The following PSMG4 variants were observed in gnomAD, a reference collection of about 807,000 sequenced individuals.
PSMG4 encodes the protein proteasome (prosome, macropain) assembly chaperone 4.
A neutral mutation model predicts 11.0 loss-of-function variants in PSMG4; 10 were observed. The ratio of observed to expected loss-of-function variants is 0.91; its 90% confidence interval spans 0.56 to 1.54. PSMG4 has a LOEUF of 1.54. PSMG4 is among the 40% of genes most tolerant of loss of function. PSMG4 has a pLI of 0.00. For synonymous variants in PSMG4, 95 were observed against 71.3 expected, an observed-to-expected ratio of 1.33 and a Z score of -1.68; for missense variants, 198 against 160.9, an observed-to-expected ratio of 1.23 and a Z score of -1.25.
chr6:3,255,079 T>G (rs1158680586), upstream of PSMG4: 2 of 1,551,022 alleles, frequency 1.3e-6, no homozygotes, highest in Non-Finnish European at 1.7e-6. Context: ...TATGCTTCTA[T>G]TCCTAAGAAG....
chr6:3,258,863 C>T, upstream of PSMG4: 4 of 648,744 alleles, frequency 6.2e-6, no homozygotes, highest in Non-Finnish European at 8.8e-6. Flanking sequence ...CAACCCAAGC[C>T]CGGGATCGCC....
At chr6:3,255,083 T>A (rs951553357), upstream of PSMG4, 1 of 1,551,042 alleles carries the variant, frequency 6.4e-7, no homozygotes, top group Admixed American at 2.0e-5. Context: ...CTTCTATTCC[T>A]AAGAAGTTGG....
chr6:3,259,981 C>T (rs1757915826), intron 1 of PSMG4, among the ~76,000 whole-genome samples: 2 of 152,286 alleles, frequency 1.3e-5, no homozygotes, highest in East Asian at 1.9e-4. Flanking sequence ...TCACTGTCAC[C>T]CAGGCTGGGG....
At chr6:3,255,783 A>T (rs1370149854), upstream of PSMG4, among the ~76,000 whole-genome samples, 2 of 152,228 alleles carry the variant, frequency 1.3e-5, no homozygotes, top group Non-Finnish European at 2.9e-5. Flanking sequence ...ATGTCCAGAG[A>T]GTCCCAATCT....
chr6:3,257,788 G>T (rs5003229), upstream of PSMG4, among the ~76,000 whole-genome samples: 1 of 152,000 alleles, frequency 6.6e-6, no homozygotes, highest in Non-Finnish European at 1.5e-5. Flanking sequence ...TTTGTGGATT[G>T]TGATGATGAT....
chr6:3,254,714 G>A (rs186227649), upstream of PSMG4, among the ~76,000 whole-genome samples: 3 of 152,260 alleles, frequency 2.0e-5, no homozygotes, highest in East Asian at 3.9e-4. Context: ...GATGCGCCTG[G>A]ACACCAGAAA....
upstream of PSMG4, among the ~76,000 whole-genome samples, chr6:3,257,452 G>A (rs1488801241): frequency 6.6e-6 from 1 of 152,156 alleles, no homozygotes; most frequent in African/African-American, 2.4e-5. Context: ...TCCACCGGTC[G>A]GTAACTTTGT....
At chr6:3,262,145 G>T (rs58063995) in intron 1 of PSMG4, among the ~76,000 whole-genome samples, 1 of 152,162 alleles carries the variant, frequency 6.6e-6, no homozygotes, top group Non-Finnish European at 1.5e-5. Context: ...ACCTGGGCCC[G>T]TGCCTGCTCA....
chr6:3,260,291 A>ATATATATATTTTTTTT, intron 1 of PSMG4, among the ~76,000 whole-genome samples: 15 of 70,864 alleles, frequency 2.1e-4, no homozygotes, highest in African/African-American at 8.2e-4. Flanking sequence ...ATATATATAT[A>ATATATATATTTTTTTT]TTTTTTTTTT....
chr6:3,254,710 C>T (rs770751152), upstream of PSMG4, among the ~76,000 whole-genome samples: 1 of 152,132 alleles, frequency 6.6e-6, no homozygotes, highest in Non-Finnish European at 1.5e-5. Flanking sequence ...GTGGGATGCG[C>T]CTGGACACCA....
chr6:3,254,728 C>G (rs781569961), upstream of PSMG4, among the ~76,000 whole-genome samples: 1 of 152,090 alleles, frequency 6.6e-6, no homozygotes, highest in Non-Finnish European at 1.5e-5. Context: ...CCAGAAAAAA[C>G]AAACTCCCCC....
rs549117700 is a variant in PSMG4, at chr6:3,263,980, G to T, written c.250+221G>T. The T allele has an allele frequency of 3.0e-6, 4 of 1,337,520 alleles. No homozygotes were observed. In the Admixed American group the frequency reaches 1.1e-4, roughly 38 times the overall value. The allele number at this position is 1,337,520 out of a possible 1,614,324, so 82.9% of individuals were successfully genotyped here. A position where few individuals can be genotyped will look rare whatever the true frequency, so the allele number is the denominator to read the frequency against. On this transcript the variant is annotated intron_variant, in intron 2 of 2. Transcript: ENST00000438998. ...GTCCCAGGGCTGGCCTGTTCCCAAA[G>T]GACTCCCACCTCGTCCTTGGGTGTG...
chr6:3,259,061 C>A lies in PSMG4; in HGVS notation c.39C>A (p.Ser13=). Residue 13 remains serine, a synonymous_variant, in exon 1 of 3, where the codon TCC becomes TCA. Transcript: ENST00000438998. ...TTGTCGCCGCCGGCGGGGACGTCTC[C>A]CTGCACAACTTCAGCGCGAGGCTGT... ...GLVVAAGGDV[S]LHNFSARLWE... The A allele has an allele frequency of 7.9e-7, 1 of 1,264,750 alleles. No homozygotes were observed. The highest frequency in any genetic ancestry group is 1.0e-6 in the Non-Finnish European group (1 of 1,003,356). 78.3% of individuals were successfully genotyped at this position (1,264,750 alleles called of 1,614,324 possible). A position where few individuals can be genotyped will look rare whatever the true frequency, so the allele number is the denominator to read the frequency against.
In PSMG4 at chr6:3,258,953, T is replaced by G; in HGVS notation, c.-70T>G. 8.2e-7 allele frequency: 1 copy of G among 1,217,244 alleles called. No homozygotes were observed. The highest frequency in any genetic ancestry group is 1.0e-6 in the Non-Finnish European group (1 of 972,818). The allele number at this position is 1,217,244 out of a possible 1,614,324, so 75.4% of individuals were successfully genotyped here. The stretch of plus-strand genomic sequence containing the variant: ...GCTCGGTCTCTCGGTGCTCGCTCCA[T>G]CGGGTCTGGCGGGGCTGGCAGCGGC... On this transcript the variant is annotated 5_prime_UTR_variant, in exon 1 of 3. Transcript: ENST00000438998.
intron 1 of PSMG4, 71 bp from the exon 2 acceptor site, chr6:3,263,613 C>T: frequency 1.5e-6 from 2 of 1,317,024 alleles, no homozygotes; most frequent in South Asian, 1.5e-5. Flanking sequence ...AATCAGAAGC[C>T]CGGAAGCCAG....
At chr6:3,257,261 G>A (rs1252508459), upstream of PSMG4, among the ~76,000 whole-genome samples, 2 of 152,196 alleles carry the variant, frequency 1.3e-5, no homozygotes, top group African/African-American at 4.8e-5. Flanking sequence ...GCAGGGCAGT[G>A]TTCCAGGGCC....
upstream of PSMG4, chr6:3,255,044 T>TAG: frequency 6.4e-7 from 1 of 1,550,440 alleles, no homozygotes; most frequent in Non-Finnish European, 8.7e-7. Context: ...TCTGATTCTC[T>TAG]GGACAGGAAC....
chr6:3,254,954 T>C (rs1327466485), upstream of PSMG4: 13 of 1,341,336 alleles, frequency 9.7e-6, 1 homozygote, highest in Admixed American at 2.9e-4. Flanking sequence ...AGCTGTTGGG[T>C]GTTGCAGAGC....
upstream of PSMG4, among the ~76,000 whole-genome samples, chr6:3,254,521 C>A (rs867143947): frequency 6.6e-6 from 1 of 150,490 alleles, no homozygotes; most frequent in Non-Finnish European, 1.5e-5. Context: ...GGTTTATGAG[C>A]TGTAACAATT....
Sources: gnomAD v4.1 joint callset for allele counts (sites outside exome capture counted in the v4.1 genomes callset) on GRCh38, gnomAD v4.1.1 for gene constraint, MANE v1.5 for transcripts, NCBI Gene and HGNC (gene_info 2026-07-23, HGNC 2026-07-21) for gene names.